LARS1: variants seen among roughly 807,000 people sequenced by gnomAD.
LARS1 encodes the protein leucyl-tRNA synthetase 1.
In LARS1, 100 loss-of-function variants were observed where a neutral mutation model predicts 162.8. That is an observed-to-expected ratio of 0.61 (90% CI 0.52 to 0.73). LARS1 has a LOEUF of 0.73. Ranked by LOEUF, LARS1 falls within the 30% of genes least tolerant of loss-of-function variation. The pLI is 0.00. For missense variants in LARS1, 1,258 were observed against 1,408.9 expected (o/e 0.89, Z 1.71); for synonymous variants, 457 against 462.8 (o/e 0.99, Z 0.16).
At chr5:146,181,631 C>T (rs1754848699) in intron 1 of LARS1, among the ~76,000 whole-genome samples, 1 of 151,916 alleles carries the variant, frequency 6.6e-6, no homozygotes, top group Admixed American at 6.6e-5. Flanking sequence ...CAGTCTGGGT[C>T]ACAGAGTGAG....
chr5:146,130,446 C>T (rs1752230110), intron 24 of LARS1: 1 of 372,156 alleles, frequency 2.7e-6, no homozygotes, highest in Admixed American at 4.6e-5. Context: ...AGGGTGACTG[C>T]TCTTAGCAGC....
At chr5:146,154,682 GC>G (rs1370740070) in intron 10 of LARS1, among the ~76,000 whole-genome samples, 2 of 152,010 alleles carry the variant, frequency 1.3e-5, no homozygotes, top group African/African-American at 4.8e-5. Context: ...GAAGGCTGAG[GC>G]GGGAGAATTG....
chr5:146,171,955 A>G lies in LARS1; in HGVS notation c.249T>C (p.Cys83=). 6.2e-7 allele frequency: 1 copy of G among 1,614,032 alleles called. No individual in the cohort carries two copies. Among genetic ancestry groups the G allele is most frequent in the Non-Finnish European group, 8.5e-7 (1 of 1,179,918 alleles). The change falls in exon 4 of 32, where the codon TGT becomes TGC. Residue 83 remains cysteine (C), a synonymous_variant. Coordinates refer to ENST00000394434, the MANE Select transcript of LARS1 (RefSeq NM_020117.11). ...AGTGCAGGCCAAAGGGAAACAGACAACATTTTCCTTTCAATCGCTGGTACC... is the reference window on the plus strand; with the variant it reads ...AGTGCAGGCCAAAGGGAAACAGACAGCATTTTCCTTTCAATCGCTGGTACC... The part of the protein sequence containing the change: ...AVGYQRLKGK[C]CLFPFGLHCT...
At chr5:146,133,939 G>A (rs1014484863) in intron 22 of LARS1, among the ~76,000 whole-genome samples, 1 of 152,154 alleles carries the variant, frequency 6.6e-6, no homozygotes, top group Non-Finnish European at 1.5e-5. Flanking sequence ...CCGCCTCTTG[G>A]ATTCAAGCAA....
intron 21 of LARS1, among the ~76,000 whole-genome samples, chr5:146,136,393 A>G (rs2126449067): frequency 6.6e-6 from 1 of 152,352 alleles, no homozygotes; most frequent in African/African-American, 2.4e-5. Flanking sequence ...GAGTTCAATA[A>G]TCAAAGGTTC....
chr5:146,141,695 C>T (rs540695521), intron 20 of LARS1, among the ~76,000 whole-genome samples: 1 of 152,134 alleles, frequency 6.6e-6, no homozygotes, highest in African/African-American at 2.4e-5. Context: ...CCCAGCTACT[C>T]GGAAGTGTGA....
At chr5:146,118,058 A>ATCTGTAC (rs1751650664) in intron 31 of LARS1, among the ~76,000 whole-genome samples, 2 of 152,242 alleles carry the variant, frequency 1.3e-5, no homozygotes, top group Admixed American at 6.5e-5. Context: ...TTGAAGAGAT[A>ATCTGTAC]TCTGTACTCC....
intron 30 of LARS1, among the ~76,000 whole-genome samples, chr5:146,121,183 C>T (rs1201348367): frequency 2.0e-5 from 3 of 152,084 alleles, no homozygotes; most frequent in Non-Finnish European, 4.4e-5. Flanking sequence ...TGAGCATATT[C>T]CTTACATGAT....
chr5:146,119,909 C>A (rs79711402), intron 31 of LARS1, among the ~76,000 whole-genome samples: 5,288 of 152,160 alleles, frequency 0.035, 321 homozygotes, highest in African/African-American at 0.12. Flanking sequence ...AGAATACCCT[C>A]TACATTATAG....
chr5:146,149,435 T>C (rs551492513), intron 15 of LARS1, among the ~76,000 whole-genome samples, 187 bp downstream of exon 15: 37 of 152,302 alleles, frequency 2.4e-4, no homozygotes, highest in Admixed American at 3.3e-4. Context: ...AAACACTACC[T>C]TTATCAACAT....
intron 15 of LARS1, among the ~76,000 whole-genome samples, chr5:146,144,988 A>G (rs1235961671): frequency 1.3e-5 from 2 of 152,214 alleles, no homozygotes; most frequent in African/African-American, 2.4e-5. Flanking sequence ...AAAAGGAAAA[A>G]AAAACACAAA....
chr5:146,160,072 A>G (rs1753710390), intron 7 of LARS1, among the ~76,000 whole-genome samples: 2 of 152,174 alleles, frequency 1.3e-5, no homozygotes, highest in African/African-American at 4.8e-5. Flanking sequence ...TAGAAACAAC[A>G]TATTTTAAAA....
intron 6 of LARS1, among the ~76,000 whole-genome samples, 156 bp downstream of exon 6, chr5:146,164,154 G>A (rs751969054): frequency 5.3e-5 from 8 of 152,230 alleles, no homozygotes; most frequent in African/African-American, 1.7e-4. Context: ...AGCAAATGCT[G>A]TTGGAAAAAT....
intron 29 of LARS1, 128 bp downstream of exon 29, chr5:146,123,854 A>T (rs1054636446): frequency 4.3e-6 from 2 of 464,040 alleles, no homozygotes; most frequent in African/African-American, 2.0e-5. Flanking sequence ...AATATTTTCG[A>T]CTAATATATT....
In LARS1 at chr5:146,128,667, A is replaced by C. The variant is rs1752143574; in HGVS notation, c.2880+5T>G. 5 of 1,543,414 alleles carry C rather than the reference A, an allele frequency of 3.2e-6. No individual in the cohort carries two copies. The Admixed American group carries it at 1.2e-4, about 36-fold the overall frequency. ...CAGGGGGGAAAAGTCTACTGAGAGC[A>C]TCACCTCAAAGTGTTTACGTAGAAC... On this transcript the variant is annotated splice_donor_5th_base_variant and intron_variant, in intron 27 of 31. Coordinates refer to ENST00000394434, the MANE Select transcript of LARS1 (RefSeq NM_020117.11).
chr5:146,161,697 G>A (rs538701850), intron 6 of LARS1, among the ~76,000 whole-genome samples: 1 of 149,926 alleles, frequency 6.7e-6, no homozygotes, highest in African/African-American at 2.5e-5. Flanking sequence ...AGGTTGCAGT[G>A]AGTCGATATC....
chr5:146,171,748 T>C (rs1754290488), intron 4 of LARS1, among the ~76,000 whole-genome samples, 162 bp downstream of exon 4: 1 of 152,224 alleles, frequency 6.6e-6, no homozygotes, highest in Admixed American at 6.5e-5. Flanking sequence ...TAAGCACTTC[T>C]TCACATGTTG....
At chr5:146,159,796 T>C (rs1753696111) in intron 7 of LARS1, among the ~76,000 whole-genome samples, 1 of 151,326 alleles carries the variant, frequency 6.6e-6, no homozygotes, top group African/African-American at 2.4e-5. Context: ...TCAAGGAAGA[T>C]AACTTATTTT....
chr5:146,135,171 A>T (rs1010223506), intron 22 of LARS1, among the ~76,000 whole-genome samples: 10 of 138,636 alleles, frequency 7.2e-5, no homozygotes, highest in Non-Finnish European at 1.6e-4. Flanking sequence ...CACCCAGCTA[A>T]TTTTTTTTTT....
Sources: gnomAD v4.1 joint callset for allele counts (sites outside exome capture counted in the v4.1 genomes callset) on GRCh38, gnomAD v4.1.1 for gene constraint, MANE v1.5 for transcripts, NCBI Gene and HGNC (gene_info 2026-07-23, HGNC 2026-07-21) for gene names.